CBLN2: variants seen among roughly 807,000 people sequenced by gnomAD.
CBLN2 encodes cerebellin-2.
CBLN2 carries 7 observed loss-of-function variants against 15.0 expected under a neutral mutation model. That is an observed-to-expected ratio of 0.47 (90% CI 0.27 to 0.88). The LOEUF is 0.88. CBLN2 is among the 40% of genes least tolerant of loss of function. The pLI is 0.14. For synonymous variants in CBLN2, 149 were observed against 135.2 expected (o/e 1.10, Z -0.71); for missense variants, 242 against 304.5 (o/e 0.79, Z 1.53).
At chr18:72,563,685 T>G (rs535000521) in intron 1 of CBLN2, among the ~76,000 whole-genome samples, 2 of 152,348 alleles carry the variant, frequency 1.3e-5, no homozygotes, top group East Asian at 3.9e-4. Context: ...ATGCTCCATT[T>G]GTTTGTACAC....
intron 1 of CBLN2, among the ~76,000 whole-genome samples, chr18:72,562,707 TC>T (rs2069269572): frequency 6.6e-6 from 1 of 152,216 alleles, no homozygotes; most frequent in Non-Finnish European, 1.5e-5. Flanking sequence ...GGAAAATGAA[TC>T]CTACTTTTAA....
chr18:72,548,438 G>A (rs1178993009), upstream of CBLN2, among the ~76,000 whole-genome samples: 1 of 152,142 alleles, frequency 6.6e-6, no homozygotes, highest in Non-Finnish European at 1.5e-5. Flanking sequence ...GAATATTAAG[G>A]AAAGATTCAT....
chr18:72,578,919 TA>T (rs1369694549), intron 1 of CBLN2, among the ~76,000 whole-genome samples: 2 of 152,364 alleles, frequency 1.3e-5, no homozygotes, highest in East Asian at 3.9e-4. Flanking sequence ...TCAATTCTTC[TA>T]AACAGTGACA....
intron 1 of CBLN2, among the ~76,000 whole-genome samples, chr18:72,595,223 TG>T (rs936612132): frequency 1.6e-4 from 25 of 152,148 alleles, no homozygotes; most frequent in African/African-American, 5.8e-4. Context: ...TTTGGTGCAT[TG>T]TGTTTCCATT....
intron 1 of CBLN2, among the ~76,000 whole-genome samples, chr18:72,572,768 G>A (rs143168666): frequency 9.2e-4 from 140 of 151,972 alleles, no homozygotes; most frequent in Non-Finnish European, 1.5e-3. Flanking sequence ...AGAGAGCTTC[G>A]TGAATAGAAT....
chr18:72,539,170 G>C (rs562646589), intron 3 of CBLN2: 22 of 160,214 alleles, frequency 1.4e-4, no homozygotes, highest in African/African-American at 4.8e-4. Context: ...TGCCTTGTTT[G>C]ACAAAAAAAC....
intron 1 of CBLN2, among the ~76,000 whole-genome samples, chr18:72,596,405 T>C (rs1302692191): frequency 6.6e-6 from 1 of 152,156 alleles, no homozygotes; most frequent in Non-Finnish European, 1.5e-5. Context: ...TATAATTATT[T>C]TTGATCAGTT....
intron 1 of CBLN2, among the ~76,000 whole-genome samples, chr18:72,602,091 G>A (rs1201969336): frequency 6.6e-6 from 1 of 152,214 alleles, no homozygotes; most frequent in Non-Finnish European, 1.5e-5. Flanking sequence ...ACTGCACCAG[G>A]CTTGTTTGGC....
intron 1 of CBLN2, among the ~76,000 whole-genome samples, chr18:72,574,358 T>G (rs1167245517): frequency 6.6e-6 from 1 of 152,198 alleles, no homozygotes; most frequent in Non-Finnish European, 1.5e-5. Context: ...TCATTTCAAT[T>G]TTCTCCCATG....
At chr18:72,619,127 T>C in intron 1 of CBLN2, 1 of 741,394 alleles carries the variant, frequency 1.3e-6, no homozygotes, top group Non-Finnish European at 2.4e-6. Context: ...CTGGCCCCTA[T>C]GGTGGTGGAA....
At chr18:72,540,337 T>C (rs1368594891) in intron 3 of CBLN2, 1 of 152,152 alleles carries the variant, frequency 6.6e-6, no homozygotes, top group African/African-American at 2.4e-5. Flanking sequence ...AGACCTCAGC[T>C]CCTCATTAAC....
At chr18:72,562,750 A>G (rs908060798) in intron 1 of CBLN2, among the ~76,000 whole-genome samples, 4 of 152,238 alleles carry the variant, frequency 2.6e-5, no homozygotes, top group African/African-American at 7.2e-5. Flanking sequence ...TCTGCCAAGT[A>G]TAATTTAGGT....
rs137932763 is a variant in CBLN2, at chr18:72,555,223, G to A, written c.16-16451C>T. ...GGCACAATGCCGTGTTTAAAATAGG[G>A]ACAGGGCTTCACTCTAAAGGTGCCC... On this transcript the variant is annotated intron_variant, in intron 1 of 2. Transcript: ENST00000581073. Among the ~76,000 whole-genome samples, 243 of 152,242 alleles carry A rather than the reference G, an allele frequency of 1.6e-3. 1 individual carries two copies. In the Middle Eastern group the frequency reaches 0.017, roughly 11 times the overall value.
intron 1 of CBLN2, among the ~76,000 whole-genome samples, chr18:72,556,300 C>T (rs2069226578): frequency 6.6e-6 from 1 of 152,124 alleles, no homozygotes; most frequent in African/African-American, 2.4e-5. Context: ...GATAACTCTT[C>T]CAAATAAATA....
At chr18:72,615,637 T>C (rs2069656451) in intron 1 of CBLN2, among the ~76,000 whole-genome samples, 1 of 152,188 alleles carries the variant, frequency 6.6e-6, no homozygotes, top group South Asian at 2.1e-4. Flanking sequence ...ATTGATTTGC[T>C]TTTAATAATA....
chr18:72,621,502 C>T (rs1469582983), intron 1 of CBLN2, among the ~76,000 whole-genome samples: 3 of 152,116 alleles, frequency 2.0e-5, no homozygotes, highest in African/African-American at 7.2e-5. Flanking sequence ...CTGTCTAAAA[C>T]CTTTTTGGAT....
At chr18:72,601,219 A>T (rs1423982370) in intron 1 of CBLN2, among the ~76,000 whole-genome samples, 4 of 152,100 alleles carry the variant, frequency 2.6e-5, no homozygotes, top group Admixed American at 2.0e-4. Context: ...TTTCTTCCCA[A>T]AGTTAGCTTG....
At chr18:72,574,087 G>C (rs1011160329) in intron 1 of CBLN2, among the ~76,000 whole-genome samples, 1 of 152,124 alleles carries the variant, frequency 6.6e-6, no homozygotes, top group Admixed American at 6.5e-5. Flanking sequence ...TATTTTCTTT[G>C]ATGAGGTGTC....
At position 72,588,237 on chromosome 18, in the gene CBLN2, A is replaced by G. The variant is rs1599012318; in HGVS notation, c.16-49465T>C. 2.6e-5 allele frequency among the ~76,000 whole-genome samples: 4 copies of G among 152,220 alleles called. No homozygotes were observed. In the South Asian group the frequency reaches 6.2e-4, roughly 24 times the overall value. On this transcript the variant is annotated intron_variant, in intron 1 of 2. Coordinates refer to the CBLN2 transcript ENST00000581073. Reference sequence around the variant, plus strand: ...GTGAGGAGGTTATGTTTATTCAGCAACAATCCCCACTCCAAATCAGTTGAT... The same window carrying G: ...GTGAGGAGGTTATGTTTATTCAGCAGCAATCCCCACTCCAAATCAGTTGAT...
Sources: gnomAD v4.1 joint callset for allele counts (sites outside exome capture counted in the v4.1 genomes callset) on GRCh38, gnomAD v4.1.1 for gene constraint, MANE v1.5 for transcripts, NCBI Gene and HGNC (gene_info 2026-07-23, HGNC 2026-07-21) for gene names.